The following FYN variants were observed in gnomAD, a reference collection of about 807,000 sequenced individuals.
The protein encoded by FYN is FYN proto-oncogene, Src family tyrosine kinase.
Under a neutral mutation model 70.2 loss-of-function variants are expected in FYN, and 10 were observed. The ratio of observed to expected loss-of-function variants is 0.14; its 90% confidence interval spans 0.09 to 0.24. FYN has a LOEUF of 0.24. Among genes scored for constraint, FYN ranks in the 10% least tolerant of loss-of-function variants. The pLI, the probability that FYN is intolerant of heterozygous loss-of-function variation, is 1.00. For synonymous variants in FYN, 236 were observed against 248.6 expected (o/e 0.95, Z 0.48); for missense variants, 319 against 673.1 (o/e 0.47, Z 5.82).
At chr6:111,791,106 T>G (rs1371084641) in intron 2 of FYN, among the ~76,000 whole-genome samples, 1 of 152,182 alleles carries the variant, frequency 6.6e-6, no homozygotes, top group African/African-American at 2.4e-5. Flanking sequence ...AAAGCCAAGT[T>G]AATCCTGAAC....
rs1022981332 is a variant in FYN at position 111,661,605 on chromosome 6, G to C, written c.*134C>G. On this transcript the variant is annotated 3_prime_UTR_variant, in exon 14 of 14. Transcript: ENST00000354650. This position sits in a 1 kb window ranked among gnomAD's most constrained non-coding sequence, Gnocchi z 4.0. ...TCATTAATGAGGGCCATGGAAGTTCGTCAGCTTCAGAGTCACATGCAATCT... is the reference window on the plus strand; with the variant it reads ...TCATTAATGAGGGCCATGGAAGTTCCTCAGCTTCAGAGTCACATGCAATCT... 1 of 797,608 alleles carries C rather than the reference G, an allele frequency of 1.3e-6. No homozygotes were observed. Among genetic ancestry groups the C allele is most frequent in the Non-Finnish European group, 2.0e-6 (1 of 493,062 alleles). The allele number at this position is 797,608 out of a possible 1,614,324, so 49.4% of individuals were successfully genotyped here.
intron 12 of FYN, among the ~76,000 whole-genome samples, chr6:111,690,515 T>C (rs1330570202): frequency 1.3e-5 from 2 of 152,208 alleles, no homozygotes; most frequent in Non-Finnish European, 2.9e-5. Flanking sequence ...TCTGACTACT[T>C]GGGAATTATC....
At chr6:111,824,482 AC>A (rs748807365) in intron 2 of FYN, among the ~76,000 whole-genome samples, 6 of 152,228 alleles carry the variant, frequency 3.9e-5, no homozygotes, top group Admixed American at 6.5e-5. Flanking sequence ...AGAGAAATCT[AC>A]ACTGCATCTT....
At chr6:111,791,041 T>C (rs1771601963) in intron 2 of FYN, among the ~76,000 whole-genome samples, 1 of 152,204 alleles carries the variant, frequency 6.6e-6, no homozygotes, top group Non-Finnish European at 1.5e-5. Context: ...GTCTTTTTTT[T>C]CTGATGGAAA....
intron 2 of FYN, among the ~76,000 whole-genome samples, chr6:111,815,756 T>C (rs1194565273): frequency 6.6e-6 from 1 of 151,854 alleles, no homozygotes. Context: ...TCTCTCTCTG[T>C]TGCCCAGGCT....
chr6:111,754,965 G>C lies in FYN; in HGVS notation c.-12+25601C>G, dbSNP rs113212178. ...GTTGTGCTTAGACAAGAAAATTTAA[G>C]CTGTTTTTTTTTTTTTTTTAAAGAA... On this transcript the variant is annotated intron_variant, in intron 3 of 13. Coordinates refer to ENST00000354650, the MANE Select transcript of FYN (RefSeq NM_002037.5). Among the ~76,000 whole-genome samples, 676 of 130,446 alleles carry C rather than the reference G, an allele frequency of 5.2e-3. 2 individuals are homozygous for C. Among genetic ancestry groups the C allele is most frequent in the Non-Finnish European group, 7.7e-3 (465 of 60,570 alleles). The allele number at this position is 130,446 out of a possible 152,430, so 85.6% of individuals were successfully genotyped here.
intron 3 of FYN, among the ~76,000 whole-genome samples, chr6:111,772,345 C>G (rs1803484508): frequency 6.6e-6 from 1 of 152,084 alleles, no homozygotes; most frequent in African/African-American, 2.4e-5. Context: ...GACAATATTC[C>G]AAAGTAATAA....
chr6:111,777,122 T>G (rs1770978727), intron 3 of FYN, among the ~76,000 whole-genome samples: 1 of 152,226 alleles, frequency 6.6e-6, no homozygotes, highest in Non-Finnish European at 1.5e-5. Flanking sequence ...AATCTCTTTG[T>G]GTAAATGCTG....
At chr6:111,699,236 A>G (rs1482751591) in intron 9 of FYN, among the ~76,000 whole-genome samples, 1 of 152,202 alleles carries the variant, frequency 6.6e-6, no homozygotes, top group Non-Finnish European at 1.5e-5. Flanking sequence ...ATGGCTGCCC[A>G]TATACAGTAT....
At chr6:111,770,890 C>T (rs564627914) in intron 3 of FYN, among the ~76,000 whole-genome samples, 1 of 152,236 alleles carries the variant, frequency 6.6e-6, no homozygotes, top group South Asian at 2.1e-4. Context: ...CAAATACCTC[C>T]CAACACCGCC....
At chr6:111,741,371 T>C (rs1345432078) in intron 3 of FYN, among the ~76,000 whole-genome samples, 2 of 152,226 alleles carry the variant, frequency 1.3e-5, no homozygotes, top group Non-Finnish European at 2.9e-5. Context: ...CTAATGGCTA[T>C]GGTGAGATGT....
chr6:111,851,404 A>C (rs1338596414), intron 1 of FYN, among the ~76,000 whole-genome samples: 1 of 152,198 alleles, frequency 6.6e-6, no homozygotes, highest in Non-Finnish European at 1.5e-5. Context: ...TGAACATACA[A>C]ATTTCCACAT....
chr6:111,757,208 A>T (rs1310068209), intron 3 of FYN, among the ~76,000 whole-genome samples: 3 of 152,200 alleles, frequency 2.0e-5, no homozygotes, highest in South Asian at 4.1e-4. Flanking sequence ...CAACAGTAAG[A>T]CAAAGTTATT....
chr6:111,716,092 C>T (rs1800630814), intron 4 of FYN, among the ~76,000 whole-genome samples: 1 of 152,168 alleles, frequency 6.6e-6, no homozygotes, highest in African/African-American at 2.4e-5. Flanking sequence ...AATTAAGTTG[C>T]CTTCCAAAAC....
At chr6:111,827,492 G>C (rs1340025765) in intron 2 of FYN, among the ~76,000 whole-genome samples, 1 of 152,134 alleles carries the variant, frequency 6.6e-6, no homozygotes, top group Non-Finnish European at 1.5e-5. Context: ...AACAACACTG[G>C]GGATTTGAGG....
chr6:111,790,148 C>A (rs1771557744), intron 2 of FYN, among the ~76,000 whole-genome samples: 1 of 151,540 alleles, frequency 6.6e-6, no homozygotes, highest in African/African-American at 2.4e-5. Flanking sequence ...AAAAGATATC[C>A]AGCTAGCACA....
At position 111,777,303 on chromosome 6, in the gene FYN, C is replaced by A. The variant is rs574598666; in HGVS notation, c.-12+3263G>T. On this transcript the variant is annotated intron_variant, in intron 3 of 13. Transcript: ENST00000354650. ...CTTTCCACTCTGATGATTTTCTGAACGAATTTAAGTTTTTTAGCTGTATAT... is the reference window on the plus strand; with the variant it reads ...CTTTCCACTCTGATGATTTTCTGAAAGAATTTAAGTTTTTTAGCTGTATAT... Among the ~76,000 whole-genome samples the A allele has an allele frequency of 4.0e-5, 6 of 151,854 alleles. No homozygotes were observed. In the South Asian group the frequency reaches 1.0e-3, roughly 26 times the overall value.
At chr6:111,817,205 T>C (rs909212134) in intron 2 of FYN, among the ~76,000 whole-genome samples, 3 of 152,172 alleles carry the variant, frequency 2.0e-5, no homozygotes, top group African/African-American at 7.2e-5. Flanking sequence ...CCTTTTTCTA[T>C]ATATTTTTCT....
chr6:111,866,785 T>TAG (rs1361418425), intron 1 of FYN, among the ~76,000 whole-genome samples: 3 of 152,208 alleles, frequency 2.0e-5, no homozygotes, highest in Non-Finnish European at 4.4e-5. Flanking sequence ...GACTACATGA[T>TAG]CTCTAAGATT....
Sources: gnomAD v4.1 joint callset for allele counts (sites outside exome capture counted in the v4.1 genomes callset) on GRCh38, gnomAD v4.1.1 for gene constraint, Gnocchi (gnomAD v3.1) non-coding constraint, MANE v1.5 for transcripts, NCBI Gene and HGNC (gene_info 2026-07-23, HGNC 2026-07-21) for gene names.